Variants in AGAP1 observed in about 807,000 individuals in gnomAD.
The protein encoded by AGAP1 is ArfGAP with GTPase domain, ankyrin repeat and PH domain 1.
AGAP1 carries 29 observed loss-of-function variants against 105.3 expected under a neutral mutation model. The ratio of observed to expected loss-of-function variants is 0.28; its 90% CI spans 0.21 to 0.38. The LOEUF (loss-of-function observed/expected upper bound fraction) is 0.38, where lower values mean the gene tolerates loss of function less well. Among genes scored for constraint, AGAP1 ranks in the 10% least tolerant of loss-of-function variants. The pLI, the probability that AGAP1 is intolerant of heterozygous loss-of-function variation, is 1.00. For missense variants in AGAP1, 998 were observed against 1,165.1 expected (o/e 0.86, Z 2.09); for synonymous variants, 509 against 485.9 (o/e 1.05, Z -0.63).
intron 9 of AGAP1, among the ~76,000 whole-genome samples, chr2:235,840,234 G>T (rs1485865375): frequency 6.6e-6 from 1 of 152,132 alleles, no homozygotes; most frequent in African/African-American, 2.4e-5. Context: ...TTCAGCCTCT[G>T]TGCATTCTGA....
rs889635520 is a variant in AGAP1 at position 235,614,936 on chromosome 2, C to T, written c.164-94243C>T. On this transcript the variant is annotated intron_variant, in intron 1 of 17. Coordinates refer to ENST00000304032, the MANE Select transcript of AGAP1 (RefSeq NM_001037131.3). This position sits in a 1 kb window ranked among gnomAD's most constrained non-coding sequence, Gnocchi z 4.7. ...TACAACAAATTTGGTTCACTGGGGC[C>T]GACTTGAAAATAGTCAAAGTCCAAG... Among the ~76,000 whole-genome samples, 3 of 152,154 alleles carry T rather than the reference C, an allele frequency of 2.0e-5. No homozygotes were observed. The highest frequency in any genetic ancestry group is 6.6e-5 in the Admixed American group (1 of 15,264).
Position 235,643,344 on chromosome 2 carries a change from T to C in AGAP1, c.164-65835T>C, listed in dbSNP as rs572479233. ...TCCTCGGGAGACTGAGGCAGGAGAA[T>C]TGCTTGAACCTGGGAGGCGGAGGTT... is the stretch of plus-strand genomic sequence containing the variant. On this transcript the variant is annotated intron_variant, in intron 1 of 17. Coordinates refer to ENST00000304032, the MANE Select transcript of AGAP1 (RefSeq NM_001037131.3). 7.7e-5 allele frequency among the ~76,000 whole-genome samples: 11 copies of C among 143,522 alleles called. No homozygotes were observed. In the South Asian group the frequency reaches 2.4e-3, roughly 31 times the overall value. The allele number at this position is 143,522 out of a possible 152,430, so 94.2% of individuals were successfully genotyped here.
chr2:235,851,159 C>T (rs2048429054), intron 9 of AGAP1, among the ~76,000 whole-genome samples: 1 of 152,256 alleles, frequency 6.6e-6, no homozygotes, highest in African/African-American at 2.4e-5. Flanking sequence ...GTTACCAGGA[C>T]CTCTGAGCTC....
In AGAP1 at chr2:236,126,464, G is replaced by A. The variant is rs1185234024; in HGVS notation, c.*2342G>A. ...TTTATCATAGTGAAGTTTCTTTTGA[G>A]AAGAAACGGAACTCCTTGAGGCTTC... On this transcript the variant is annotated 3_prime_UTR_variant, in exon 18 of 18. Transcript: ENST00000304032. 1 of 152,184 alleles carries A rather than the reference G, an allele frequency of 6.6e-6. No homozygotes were observed. The highest frequency in any genetic ancestry group is 1.5e-5 in the Non-Finnish European group (1 of 68,040). 9.4% of individuals were successfully genotyped at this position (152,184 alleles called of 1,614,324 possible). A position where few individuals can be genotyped will look rare whatever the true frequency, so the allele number is the denominator to read the frequency against.
intron 9 of AGAP1, among the ~76,000 whole-genome samples, chr2:235,876,407 C>A (rs977969907): frequency 6.6e-6 from 1 of 152,158 alleles, no homozygotes; most frequent in Non-Finnish European, 1.5e-5. Context: ...CCGGCCCTTG[C>A]GTGCTAAACC....
chr2:235,956,948 A>G (rs2053977986), intron 12 of AGAP1, among the ~76,000 whole-genome samples: 1 of 152,194 alleles, frequency 6.6e-6, no homozygotes, highest in Admixed American at 6.5e-5. Flanking sequence ...AATCTTCCTT[A>G]TTTAATTGCT....
intron 9 of AGAP1, among the ~76,000 whole-genome samples, chr2:235,862,960 T>C (rs1367478452): frequency 6.6e-6 from 1 of 152,240 alleles, no homozygotes; most frequent in African/African-American, 2.4e-5. Flanking sequence ...CATATGTATG[T>C]AGTTATCATA....
rs1327895486 is a variant in AGAP1, at chr2:236,035,738, G to A, written c.1646-823G>A. Among the ~76,000 whole-genome samples the A allele has an allele frequency of 4.6e-5, 7 of 152,178 alleles. No homozygotes were observed. In the East Asian group the frequency reaches 5.8e-4, roughly 13 times the overall value. On this transcript the variant is annotated intron_variant, in intron 13 of 17. Transcript: ENST00000304032. This position sits in a 1 kb window ranked among gnomAD's most constrained non-coding sequence, Gnocchi z 4.2. ...GGGACAGGAATAATGAACAGAGGCC[G>A]ACGTGGATCTGTGGAGTGTCTCCTA...
intron 10 of AGAP1, among the ~76,000 whole-genome samples, chr2:235,902,861 G>A (rs1426618333): frequency 6.6e-6 from 1 of 152,182 alleles, no homozygotes. Context: ...GGACTCAAAG[G>A]TCGAAATGTT....
At chr2:235,696,520 G>A (rs551164447) in intron 1 of AGAP1, among the ~76,000 whole-genome samples, 23 of 152,290 alleles carry the variant, frequency 1.5e-4, no homozygotes, top group African/African-American at 5.5e-4. Context: ...TGGATGTGAG[G>A]CCACAGACCA....
chr2:235,838,975 G>T (rs948296614), intron 9 of AGAP1, among the ~76,000 whole-genome samples: 1 of 152,160 alleles, frequency 6.6e-6, no homozygotes, highest in African/African-American at 2.4e-5. Flanking sequence ...GAAACATAAA[G>T]CCATTCATTA....
Position 235,566,624 on chromosome 2 carries a change from T to G in AGAP1, c.163+71775T>G, listed in dbSNP as rs1229754883. On this transcript the variant is annotated intron_variant, in intron 1 of 17. Coordinates refer to ENST00000304032, the MANE Select transcript of AGAP1 (RefSeq NM_001037131.3). The surrounding 1 kb of genome is among the most constrained non-coding windows in gnomAD (Gnocchi z 5.2). ...GTCTGTCTCCTGCCTCTCTTATTTA[T>G]GTTGTATGCCTGACACCTTCCTCAT... 3 of 983,558 alleles carry G rather than the reference T, an allele frequency of 3.1e-6. No individual in the cohort carries two copies. Among genetic ancestry groups the G allele is most frequent in the Non-Finnish European group, 3.6e-6 (3 of 828,372 alleles). 60.9% of individuals were successfully genotyped at this position (983,558 alleles called of 1,614,324 possible). A position where few individuals can be genotyped will look rare whatever the true frequency, so the allele number is the denominator to read the frequency against.
rs1946029228 is a variant in AGAP1 at position 235,608,692 on chromosome 2, C to T, written c.164-100487C>T. Among the ~76,000 whole-genome samples the T allele has an allele frequency of 1.3e-5, 2 of 152,182 alleles. No individual in the cohort carries two copies. Among genetic ancestry groups the T allele is most frequent in the South Asian group, 2.1e-4 (1 of 4,830 alleles). On this transcript the variant is annotated intron_variant, in intron 1 of 17. Transcript: ENST00000304032. This position sits in a 1 kb window ranked among gnomAD's most constrained non-coding sequence, Gnocchi z 5.4. The stretch of plus-strand genomic sequence containing the variant: ...TCTCTGGATTCCGGACGCCCTGCTG[C>T]TACTTGGCCTCCAACCAAAAAATTG...
intron 13 of AGAP1, among the ~76,000 whole-genome samples, chr2:236,021,840 C>T (rs950143302): frequency 3.3e-5 from 5 of 151,996 alleles, no homozygotes; most frequent in Admixed American, 1.3e-4. Flanking sequence ...GGGCAGGTTG[C>T]GTGAGTTAAG....
intron 14 of AGAP1, among the ~76,000 whole-genome samples, chr2:236,039,049 T>G (rs1229602725): frequency 6.6e-6 from 1 of 152,214 alleles, no homozygotes; most frequent in Non-Finnish European, 1.5e-5. Flanking sequence ...TTATGAAGAA[T>G]TCTTACGCAA....
rs1014011131 is a variant in AGAP1, at chr2:235,582,392, C to T, written c.163+87543C>T. Among the ~76,000 whole-genome samples, 42 of 152,200 alleles carry T rather than the reference C, an allele frequency of 2.8e-4. No individual in the cohort carries two copies. The highest frequency in any genetic ancestry group is 9.2e-4 in the African/African-American group (38 of 41,446). On this transcript the variant is annotated intron_variant, in intron 1 of 17. Coordinates refer to ENST00000304032, the MANE Select transcript of AGAP1 (RefSeq NM_001037131.3). The surrounding 1 kb of genome is among the most constrained non-coding windows in gnomAD (Gnocchi z 4.7). ...TTTGCAGTGTGCTGGACAGGAGCCA[C>T]ACAGTGTAGAAGCGACTTGCCCTAA...
At chr2:236,021,991 G>T (rs916137938) in intron 13 of AGAP1, among the ~76,000 whole-genome samples, 3 of 150,186 alleles carry the variant, frequency 2.0e-5, no homozygotes, top group African/African-American at 4.9e-5. Context: ...CCCAGGAGGT[G>T]GAGGTTGCAG....
chr2:235,652,841 G>A (rs1487234654), intron 1 of AGAP1, among the ~76,000 whole-genome samples: 6 of 151,958 alleles, frequency 3.9e-5, no homozygotes, highest in Non-Finnish European at 8.8e-5. Context: ...GTGGGCAGAG[G>A]TTGCAATGAG....
intron 9 of AGAP1, among the ~76,000 whole-genome samples, chr2:235,808,390 G>T (rs1045883308): frequency 2.0e-5 from 3 of 152,218 alleles, no homozygotes; most frequent in African/African-American, 7.2e-5. Context: ...TCCACACATG[G>T]AGTTGGATTA....
Sources: gnomAD v4.1 joint callset for allele counts (sites outside exome capture counted in the v4.1 genomes callset) on GRCh38, gnomAD v4.1.1 for gene constraint, Gnocchi (gnomAD v3.1) non-coding constraint, MANE v1.5 for transcripts, NCBI Gene and HGNC (gene_info 2026-07-23, HGNC 2026-07-21) for gene names.